RPL22L1: variants seen among roughly 807,000 people sequenced by gnomAD.
The protein encoded by RPL22L1 is ribosomal protein eL22-like.
RPL22L1 carries 19 observed loss-of-function variants against 17.3 expected under a neutral mutation model. That is an observed-to-expected ratio of 1.10 (90% CI 0.77 to 1.61). The LOEUF is 1.61. RPL22L1 is among the 40% of genes most tolerant of loss of function. The probability of loss-of-function intolerance (pLI) is 0.00; values close to 1 mark genes in which losing one functional copy is unlikely to be tolerated. For synonymous variants in RPL22L1, 48 were observed against 48.5 expected (o/e 0.99, Z 0.05); for missense variants, 139 against 144.4 (o/e 0.96, Z 0.19).
rs1711689282 is a variant in RPL22L1 at position 170,865,079 on chromosome 3, A to G, written c.*1301T>C. 1 of 152,216 alleles carries G rather than the reference A, an allele frequency of 6.6e-6. No individual in the cohort carries two copies. Among genetic ancestry groups the G allele is most frequent in the Non-Finnish European group, 1.5e-5 (1 of 68,032 alleles). The allele number at this position is 152,216 out of a possible 1,614,324, so 9.4% of individuals were successfully genotyped here. ...TAACTATTTGTGAAAAACATGAAAAATGGGAACAATGGGGCAGAGCCAAGT... is the reference window on the plus strand; with the variant it reads ...TAACTATTTGTGAAAAACATGAAAAGTGGGAACAATGGGGCAGAGCCAAGT... On this transcript the variant is annotated 3_prime_UTR_variant, in exon 4 of 4. Transcript: ENST00000295830.
intron 1 of RPL22L1, 111 bp downstream of exon 1, chr3:170,870,048 C>G: frequency 6.7e-7 from 1 of 1,499,904 alleles, no homozygotes; most frequent in Non-Finnish European, 9.2e-7. Context: ...CTTCACTACT[C>G]CCCTCCCTTT....
chr3:170,869,729 G>A (rs1056867212), intron 1 of RPL22L1, among the ~76,000 whole-genome samples: 6 of 151,872 alleles, frequency 4.0e-5, no homozygotes, highest in African/African-American at 1.5e-4. Flanking sequence ...GCCATCGCGG[G>A]AGCTGAGCGC....
intron 3 of RPL22L1, among the ~76,000 whole-genome samples, chr3:170,866,976 C>T (rs139262136): frequency 1.3e-5 from 2 of 152,276 alleles, no homozygotes; most frequent in African/African-American, 2.4e-5. Flanking sequence ...GCTCTCTCTA[C>T]ATCTAATGTA....
chr3:170,867,121 G>T (rs1190055441), intron 3 of RPL22L1, among the ~76,000 whole-genome samples: 1 of 151,514 alleles, frequency 6.6e-6, no homozygotes, highest in Non-Finnish European at 1.5e-5. Flanking sequence ...AACCACTTTA[G>T]TCCAAGCCAT....
chr3:170,870,112 T>A, intron 1 of RPL22L1, 47 bp downstream of exon 1: 1 of 1,613,504 alleles, frequency 6.2e-7, no homozygotes, highest in South Asian at 1.1e-5. Context: ...ACAGCGGAAA[T>A]CATTAAATTG....
intron 1 of RPL22L1, 54 bp from the exon 2 acceptor site, chr3:170,868,444 T>C (rs545490799): frequency 6.3e-6 from 7 of 1,108,614 alleles, no homozygotes; most frequent in Admixed American, 3.9e-5. Flanking sequence ...ATTCAATTTA[T>C]ATAAACAATT....
chr3:170,870,085 C>T (rs1280232530), intron 1 of RPL22L1, 74 bp downstream of exon 1: 5 of 1,608,422 alleles, frequency 3.1e-6, no homozygotes, highest in Non-Finnish European at 4.3e-6. Context: ...CTCCACTCGA[C>T]AGATGCAAAA....
rs1397896540 is a variant in RPL22L1, at chr3:170,865,361, C to A, written c.*1019G>T. 6.6e-6 allele frequency: 1 copy of A among 152,172 alleles called. No homozygotes were observed. The highest frequency in any genetic ancestry group is 2.4e-5 in the African/African-American group (1 of 41,436). The allele number at this position is 152,172 out of a possible 1,614,324, so 9.4% of individuals were successfully genotyped here. On this transcript the variant is annotated 3_prime_UTR_variant, in exon 4 of 4. Coordinates refer to ENST00000295830, the MANE Select transcript of RPL22L1 (RefSeq NM_001099645.2). Reference sequence around the variant, plus strand: ...CATCAGGCTCAGCAGTACAAAAAGGCACATCATTCTTGTCCTCCCTAATCT... The same window carrying A: ...CATCAGGCTCAGCAGTACAAAAAGGAACATCATTCTTGTCCTCCCTAATCT...
chr3:170,866,390 G>C lies in RPL22L1; in HGVS notation c.359C>G (p.Ser120Trp). 2 of 1,604,180 alleles carry C rather than the reference G, an allele frequency of 1.2e-6. No homozygotes were observed. The highest frequency in any genetic ancestry group is 1.7e-4 in the Middle Eastern group (1 of 6,042). The stretch of plus-strand genomic sequence containing the variant: ...AAGGGGAGCCTTTGCCTAGTCCTCC[G>C]ACTCTGATTCATCTTCATCTTGACT... ...QISQDEDESESED is the reference protein window; with the variant it reads ...QISQDEDESEWED Residue 120 changes from serine (S) to tryptophan (W), a missense_variant, in exon 4 of 4, where the codon TCG (serine) becomes TGG (tryptophan). By Grantham distance (177) the Ser-to-Trp change is radical (BLOSUM62 -3). Transcript: ENST00000295830.
intron 1 of RPL22L1, chr3:170,869,835 G>A (rs1477308902): frequency 2.2e-6 from 1 of 462,438 alleles, no homozygotes; most frequent in Non-Finnish European, 4.2e-6. Context: ...ATTATCAGGC[G>A]CGAGATAGTA....
intron 3 of RPL22L1, among the ~76,000 whole-genome samples, chr3:170,867,093 TCA>T (rs1711799505): frequency 6.7e-6 from 1 of 148,188 alleles, no homozygotes; most frequent in African/African-American, 2.4e-5. Context: ...GATTATAATC[TCA>T]GTTAACATGT....
At chr3:170,870,102 A>T in intron 1 of RPL22L1, 57 bp downstream of exon 1, 3 of 1,613,238 alleles carry the variant, frequency 1.9e-6, no homozygotes, top group African/African-American at 1.3e-5. Flanking sequence ...AAAAATCGTT[A>T]CAGCGGAAAT....
In RPL22L1 at chr3:170,867,016, G is replaced by A. The variant is rs956446856; in HGVS notation, c.225-492C>T. 5.3e-5 allele frequency among the ~76,000 whole-genome samples: 8 copies of A among 152,028 alleles called. No homozygotes were observed. The East Asian group carries it at 1.3e-3, about 26-fold the overall frequency. On this transcript the variant is annotated intron_variant, in intron 3 of 3. Coordinates refer to ENST00000295830, the MANE Select transcript of RPL22L1 (RefSeq NM_001099645.2). ...GAGTTGTATTTTACAATAATTATCTGATTATCTGTAAGATACTTGATTTAC... is the reference window on the plus strand; with the variant it reads ...GAGTTGTATTTTACAATAATTATCTAATTATCTGTAAGATACTTGATTTAC...
chr3:170,868,988 G>A (rs982393020), intron 1 of RPL22L1, among the ~76,000 whole-genome samples: 1 of 151,760 alleles, frequency 6.6e-6, no homozygotes, highest in Non-Finnish European at 1.5e-5. Flanking sequence ...AGGTGTGGTG[G>A]TGCATGCTTA....
chr3:170,865,789 T>C lies in RPL22L1; in HGVS notation c.*591A>G, dbSNP rs1264160971. The C allele has an allele frequency of 6.6e-6, 1 of 152,262 alleles. No individual in the cohort carries two copies. The highest frequency in any genetic ancestry group is 1.5e-5 in the Non-Finnish European group (1 of 68,064). The allele number at this position is 152,262 out of a possible 1,614,324, so 9.4% of individuals were successfully genotyped here. On this transcript the variant is annotated 3_prime_UTR_variant, in exon 4 of 4. Transcript: ENST00000295830. ...AGCACTTGAGATTACATTTACAAGC[T>C]ATTAAAAACAGTATTTGAGACTGTC...
rs369862481 is a variant in RPL22L1, at chr3:170,870,195, G to A, written c.-28C>T. The stretch of plus-strand genomic sequence containing the variant: ...TGCGAGTCGGCCGCGAGAGCAGAGA[G>A]GAAGCTACGGCCGCGCGGTCTGCAT... On this transcript the variant is annotated 5_prime_UTR_variant, in exon 1 of 4. Coordinates refer to ENST00000295830, the MANE Select transcript of RPL22L1 (RefSeq NM_001099645.2). 6.3e-5 allele frequency: 102 copies of A among 1,613,874 alleles called. No homozygotes were observed. Among genetic ancestry groups the A allele is most frequent in the South Asian group, 3.8e-4 (35 of 91,056 alleles).
Position 170,865,462 on chromosome 3 carries a change from C to T in RPL22L1, c.*918G>A, listed in dbSNP as rs993147479. ...AGTTTATTCGGGAGAAAGGGTCCAT[C>T]CACTTGTAAGTTTCAATAGACAACC... On this transcript the variant is annotated 3_prime_UTR_variant, in exon 4 of 4. Transcript: ENST00000295830. 13 of 152,186 alleles carry T rather than the reference C, an allele frequency of 8.5e-5. No individual in the cohort carries two copies. The highest frequency in any genetic ancestry group is 2.9e-4 in the African/African-American group (12 of 41,446). The allele number at this position is 152,186 out of a possible 1,614,324, so 9.4% of individuals were successfully genotyped here. A position where few individuals can be genotyped will look rare whatever the true frequency, so the allele number is the denominator to read the frequency against.
Position 170,866,389 on chromosome 3 carries a change from C to A in RPL22L1, c.360G>T (p.Ser120=), listed in dbSNP as rs779229922. 1 of 1,603,692 alleles carries A rather than the reference C, an allele frequency of 6.2e-7. No homozygotes were observed. The highest frequency in any genetic ancestry group is 8.5e-7 in the Non-Finnish European group (1 of 1,174,528). The change falls in exon 4 of 4, where the codon TCG becomes TCT. Residue 120 remains serine (S), a synonymous_variant. Transcript: ENST00000295830. ...QISQDEDESE[S]ED Reference sequence around the variant, plus strand: ...TAAGGGGAGCCTTTGCCTAGTCCTCCGACTCTGATTCATCTTCATCTTGAC... The same window carrying A: ...TAAGGGGAGCCTTTGCCTAGTCCTCAGACTCTGATTCATCTTCATCTTGAC...
rs1442790946 is a variant in RPL22L1, at chr3:170,865,291, T to C, written c.*1089A>G. On this transcript the variant is annotated 3_prime_UTR_variant, in exon 4 of 4. Coordinates refer to ENST00000295830, the MANE Select transcript of RPL22L1 (RefSeq NM_001099645.2). ...CCAGATATGTTTGGCGACACAATTC[T>C]ATTAGCATCAAGACTCATCTAAGTA... The C allele has an allele frequency of 6.6e-6, 1 of 152,250 alleles. No homozygotes were observed. The highest frequency in any genetic ancestry group is 2.1e-4 in the South Asian group (1 of 4,830). The allele number at this position is 152,250 out of a possible 1,614,324, so 9.4% of individuals were successfully genotyped here. A position where few individuals can be genotyped will look rare whatever the true frequency, so the allele number is the denominator to read the frequency against.
Sources: gnomAD v4.1 joint callset for allele counts (sites outside exome capture counted in the v4.1 genomes callset) on GRCh38, gnomAD v4.1.1 for gene constraint, MANE v1.5 for transcripts, NCBI Gene and HGNC (gene_info 2026-07-23, HGNC 2026-07-21) for gene names.